The following LDLRAD4 variants were observed in gnomAD, a reference collection of about 807,000 sequenced individuals.
LDLRAD4 encodes the protein low-density lipoprotein receptor class A domain-containing protein 4.
LDLRAD4 carries 5 observed loss-of-function variants against 17.0 expected under a neutral mutation model. The ratio of observed to expected loss-of-function variants is 0.29; its 90% CI spans 0.15 to 0.62. The LOEUF (loss-of-function observed/expected upper bound fraction) is 0.62, where lower values mean the gene tolerates loss of function less well. Among genes scored for constraint, LDLRAD4 ranks in the 20% least tolerant of loss-of-function variants. LDLRAD4 has a pLI of 0.84. For synonymous variants in LDLRAD4, 168 were observed against 171.8 expected (o/e 0.98, Z 0.17); for missense variants, 340 against 424.7 (o/e 0.80, Z 1.75).
intron 3 of LDLRAD4, among the ~76,000 whole-genome samples, chr18:13,581,682 C>T (rs1471102650): frequency 6.6e-6 from 1 of 151,830 alleles, no homozygotes; most frequent in South Asian, 2.1e-4. Context: ...CTCCTAGACC[C>T]TTACCAGTGG....
At chr18:13,602,261 A>G (rs766239808) in intron 3 of LDLRAD4, among the ~76,000 whole-genome samples, 13 of 152,180 alleles carry the variant, frequency 8.5e-5, no homozygotes, top group Admixed American at 3.9e-4. Flanking sequence ...CCCCAGCAGC[A>G]TGCAGTATAA....
chr18:13,551,568 C>T (rs375121205), intron 3 of LDLRAD4, among the ~76,000 whole-genome samples: 1 of 152,198 alleles, frequency 6.6e-6, no homozygotes, highest in African/African-American at 2.4e-5. Flanking sequence ...GCCAAAACTC[C>T]GTAGAACTGG....
intron 3 of LDLRAD4, among the ~76,000 whole-genome samples, chr18:13,456,862 G>T (rs376168867): frequency 5.9e-5 from 9 of 152,326 alleles, no homozygotes; most frequent in East Asian, 3.9e-4. Context: ...GGGATATGTG[G>T]TTTTTTCTAG....
chr18:13,531,482 C>T (rs1270402470), intron 3 of LDLRAD4, among the ~76,000 whole-genome samples: 1 of 149,386 alleles, frequency 6.7e-6, no homozygotes, highest in Non-Finnish European at 1.5e-5. Context: ...CCCAGCTACT[C>T]AGGAGGCCAA....
At chr18:13,387,651 C>T in exon 2 of LDLRAD4, 1 of 1,416,504 alleles carries the variant, frequency 7.1e-7, no homozygotes, top group Non-Finnish European at 1.0e-6. Flanking sequence ...TGGAAGTGAC[C>T]TGAGCCTCGC....
At position 13,278,178 on chromosome 18, in the gene LDLRAD4, T is replaced by C. The variant is rs191179380; in HGVS notation, c.-393T>C. 141 of 152,326 alleles carry C rather than the reference T, an allele frequency of 9.3e-4. 1 individual carries two copies. Among genetic ancestry groups the C allele is most frequent in the Admixed American group, 9.1e-3 (139 of 15,304 alleles). 9.4% of individuals were successfully genotyped at this position (152,326 alleles called of 1,614,324 possible). On this transcript the variant is annotated 5_prime_UTR_variant, in exon 1 of 6. Coordinates refer to ENST00000359446, the Ensembl canonical transcript of LDLRAD4. ...CCGAGAACTCCCATCAGTTTCTGTA[T>C]AGTGTAAAAGGTAAGTGGAATTACT...
At chr18:13,225,994 T>G (rs977957282) in intron 1 of LDLRAD4, among the ~76,000 whole-genome samples, 136 of 151,780 alleles carry the variant, frequency 9.0e-4, no homozygotes, top group Non-Finnish European at 1.8e-3. Context: ...TCTTTAAACT[T>G]TTTTTTTAGA....
At chr18:13,299,606 G>A (rs2046465074) in intron 1 of LDLRAD4, among the ~76,000 whole-genome samples, 1 of 152,170 alleles carries the variant, frequency 6.6e-6, no homozygotes, top group Admixed American at 6.5e-5. Context: ...CATTTTGGGA[G>A]GTCGAGGCAG....
chr18:13,505,813 G>C (rs1224584365), intron 3 of LDLRAD4, among the ~76,000 whole-genome samples: 4 of 151,894 alleles, frequency 2.6e-5, no homozygotes, highest in South Asian at 2.1e-4. Flanking sequence ...GCAAGACTCT[G>C]TCTCAAAAAA....
chr18:13,378,359 AG>A (rs1438967630), intron 1 of LDLRAD4, among the ~76,000 whole-genome samples: 1 of 152,156 alleles, frequency 6.6e-6, no homozygotes, highest in Non-Finnish European at 1.5e-5. Flanking sequence ...ACTTGTCAGA[AG>A]GGTGGTTTGT....
chr18:13,318,641 A>G (rs2081056773), intron 1 of LDLRAD4, among the ~76,000 whole-genome samples: 1 of 152,224 alleles, frequency 6.6e-6, no homozygotes, highest in South Asian at 2.1e-4. Flanking sequence ...GCACTGGATG[A>G]CAAATGGAAA....
chr18:13,411,553 C>T (rs1600072043), intron 2 of LDLRAD4, among the ~76,000 whole-genome samples: 1 of 152,084 alleles, frequency 6.6e-6, no homozygotes, highest in South Asian at 2.1e-4. Context: ...CTATGCTGTT[C>T]TCATGATAGT....
At chr18:13,640,276 G>A (rs894064538) in intron 4 of LDLRAD4, among the ~76,000 whole-genome samples, 15 of 122,622 alleles carry the variant, frequency 1.2e-4, no homozygotes, top group Non-Finnish European at 1.6e-5. Context: ...CTGGGCAACA[G>A]AGCGAGATTC....
At chr18:13,460,351 C>T (rs2092370561) in intron 3 of LDLRAD4, among the ~76,000 whole-genome samples, 1 of 152,154 alleles carries the variant, frequency 6.6e-6, no homozygotes, top group South Asian at 2.1e-4. Context: ...CGCCACCATG[C>T]CTGGCTAATT....
chr18:13,623,199 C>T (rs948720026), intron 4 of LDLRAD4, among the ~76,000 whole-genome samples: 4 of 152,224 alleles, frequency 2.6e-5, no homozygotes, highest in South Asian at 2.1e-4. Context: ...TGCCCTTTCC[C>T]GGGAAGCGCT....
chr18:13,482,164 G>A (rs1004339436), intron 3 of LDLRAD4, among the ~76,000 whole-genome samples: 1 of 152,152 alleles, frequency 6.6e-6, no homozygotes, highest in Admixed American at 6.5e-5. Context: ...AGGGCTGGGG[G>A]CCTGCAGAGA....
chr18:13,647,038 A>C (rs191076341), exon 6 of LDLRAD4: 113 of 152,350 alleles, frequency 7.4e-4, no homozygotes, highest in African/African-American at 2.5e-3. Flanking sequence ...AAAGGAATGC[A>C]GTGCTCAAAA....
intron 3 of LDLRAD4, among the ~76,000 whole-genome samples, chr18:13,573,994 C>T (rs989843288): frequency 3.9e-5 from 6 of 152,144 alleles, no homozygotes; most frequent in Non-Finnish European, 7.3e-5. Flanking sequence ...CAGAGTGAGG[C>T]TTGTGGGCTT....
intron 2 of LDLRAD4, among the ~76,000 whole-genome samples, chr18:13,390,424 G>A (rs1599868250): frequency 6.6e-6 from 1 of 152,350 alleles, no homozygotes; most frequent in East Asian, 1.9e-4. Flanking sequence ...CCCACGCTGT[G>A]TGGCCTTGGG....
Sources: allele counts gnomAD v4.1 joint callset (sites outside exome capture counted in the v4.1 genomes callset), GRCh38; gene constraint gnomAD v4.1.1; transcripts MANE v1.5; gene names NCBI Gene and HGNC (gene_info 2026-07-23, HGNC 2026-07-21).